The following AK9 variants were observed in gnomAD, a reference collection of about 807,000 sequenced individuals.
AK9 encodes adenylate kinase 9.
Under a neutral mutation model 239.6 loss-of-function variants are expected in AK9, and 191 were observed. The observed-to-expected ratio is 0.80, with a 90% confidence interval of 0.71 to 0.90. The LOEUF is 0.90. Among genes scored for constraint, AK9 ranks in the 40% least tolerant of loss-of-function variants. The pLI is 0.00. For missense variants in AK9, 1,995 were observed against 2,214.7 expected (o/e 0.90, Z 1.99); for synonymous variants, 689 against 721.0 (o/e 0.96, Z 0.71).
intron 12 of AK9, among the ~76,000 whole-genome samples, chr6:109,626,733 T>G (rs1349187530): frequency 6.6e-6 from 1 of 152,186 alleles, no homozygotes; most frequent in African/African-American, 2.4e-5. Context: ...TATCTAAATA[T>G]AGAAAAGGTT....
Position 109,633,277 on chromosome 6 carries a change from C to G in AK9, c.980G>C (p.Arg327Thr), listed in dbSNP as rs1796332123. 2 of 1,608,656 alleles carry G rather than the reference C, an allele frequency of 1.2e-6. No homozygotes were observed. The highest frequency in any genetic ancestry group is 4.5e-5 in the East Asian group (2 of 44,776). The change falls in exon 11 of 41, where the codon AGA (arginine) becomes ACA (threonine). Residue 327 changes from arginine (R) to threonine (T), a missense_variant. By Grantham distance (71) the Arg-to-Thr change is moderately conservative (BLOSUM62 -1). Transcript: ENST00000424296. ...CCATTTACTTCTTTGCCATCTGTAT[C>G]TTGGTGCAATAAGTTTATAAGATGC... ...TLASYKLIAP[R>T]YRWQRSKWGR...
intron 32 of AK9, among the ~76,000 whole-genome samples, chr6:109,511,060 GT>G (rs200285676): frequency 0.3 from 36,630 of 123,076 alleles, 4,175 homozygotes; most frequent in South Asian, 0.43. Flanking sequence ...AAATCTGCTT[GT>G]TTTTTTTTTT....
rs1562592507 is a variant in AK9, at chr6:109,672,147, GTTC to G, written c.199_201del (p.Glu67del). 1 of 1,612,976 alleles carries G rather than the reference GTTC, an allele frequency of 6.2e-7. No homozygotes were observed. The highest frequency in any genetic ancestry group is 1.1e-5 in the South Asian group (1 of 90,990). On this transcript the variant is annotated inframe_deletion, in exon 4 of 41. Coordinates refer to ENST00000424296, the MANE Select transcript of AK9 (RefSeq NM_001145128.3). ...CCTGATTCGGTTTCAGCAGCAATCT[GTTC>G]TTCTAAAATTGGCAAAGCTAAAACA...
chr6:109,603,944 G>T (rs1258210032), intron 17 of AK9, among the ~76,000 whole-genome samples: 1 of 152,192 alleles, frequency 6.6e-6, no homozygotes, highest in East Asian at 1.9e-4. Context: ...GGGTTGGAGT[G>T]ACCCGATTTT....
intron 5 of AK9, among the ~76,000 whole-genome samples, chr6:109,668,933 A>G (rs1476183648): frequency 6.4e-5 from 2 of 31,466 alleles, no homozygotes; most frequent in Non-Finnish European, 7.1e-5. Flanking sequence ...AATTCTGTGA[A>G]AAGTCATTGG....
At chr6:109,551,470 G>T (rs894510833) in intron 24 of AK9, among the ~76,000 whole-genome samples, 1 of 147,126 alleles carries the variant, frequency 6.8e-6, no homozygotes. Flanking sequence ...AGTGAGCCGA[G>T]ATGGCACACT....
intron 17 of AK9, among the ~76,000 whole-genome samples, chr6:109,593,733 C>T (rs1013891832): frequency 6.6e-6 from 1 of 152,096 alleles, no homozygotes; most frequent in Admixed American, 6.6e-5. Flanking sequence ...TAAACGTAAT[C>T]CATCACATAA....
chr6:109,525,838 G>A (rs555119183), intron 29 of AK9, among the ~76,000 whole-genome samples: 274 of 152,248 alleles, frequency 1.8e-3, no homozygotes, highest in Non-Finnish European at 2.8e-3. Context: ...AAAGTCACAT[G>A]CACACATGCA....
chr6:109,546,119 T>A lies in AK9; in HGVS notation c.2973A>T (p.Pro991=). 9.0e-7 allele frequency: 1 copy of A among 1,107,162 alleles called. No homozygotes were observed. The highest frequency in any genetic ancestry group is 1.2e-6 in the Non-Finnish European group (1 of 811,010). The allele number at this position is 1,107,162 out of a possible 1,614,324, so 68.6% of individuals were successfully genotyped here. A position where few individuals can be genotyped will look rare whatever the true frequency, so the allele number is the denominator to read the frequency against. ...VAHEEPLKAP[P]LRICLVGPQG... Reference sequence around the variant, plus strand: ...GGGGGCCGACAAGGCATATTCTTAATGGAGGAGCCTGTCACAGGGGGTGGG... The same window carrying A: ...GGGGGCCGACAAGGCATATTCTTAAAGGAGGAGCCTGTCACAGGGGGTGGG... Residue 991 remains proline, a synonymous_variant, in exon 26 of 41, where the codon CCA becomes CCT. Transcript: ENST00000424296.
chr6:109,632,567 A>T, intron 12 of AK9: 2 of 267,116 alleles, frequency 7.5e-6, no homozygotes, highest in Non-Finnish European at 1.2e-5. Context: ...GACAGGAGTG[A>T]TTATATGGGG....
chr6:109,524,464 A>C (rs76030793), intron 29 of AK9, among the ~76,000 whole-genome samples: 2,236 of 152,296 alleles, frequency 0.015, 58 homozygotes, highest in African/African-American at 0.051. Flanking sequence ...CAGATTAAAG[A>C]AGCTTAGTGA....
chr6:109,589,886 G>A (rs765700916), intron 17 of AK9, among the ~76,000 whole-genome samples: 1 of 152,032 alleles, frequency 6.6e-6, no homozygotes, highest in Non-Finnish European at 1.5e-5. Context: ...TGTGTATGCT[G>A]AACCAACCTT....
Position 109,644,604 on chromosome 6 carries a change from C to A in AK9, c.834+10G>T, listed in dbSNP as rs1201947967. The A allele has an allele frequency of 8.1e-6, 13 of 1,604,944 alleles. No homozygotes were observed. Among genetic ancestry groups the A allele is most frequent in the Non-Finnish European group, 1.1e-5 (13 of 1,176,030 alleles). On this transcript the variant is annotated intron_variant, in intron 9 of 40. Coordinates refer to ENST00000424296, the MANE Select transcript of AK9 (RefSeq NM_001145128.3). ...TGCTGTGAAGTATTCCTGCTTAACACTGCACTCACCATAAAGAGCTCCTCT... is the reference window on the plus strand; with the variant it reads ...TGCTGTGAAGTATTCCTGCTTAACAATGCACTCACCATAAAGAGCTCCTCT...
intron 15 of AK9, among the ~76,000 whole-genome samples, chr6:109,613,854 G>C (rs1322254066): frequency 6.6e-6 from 1 of 151,964 alleles, no homozygotes; most frequent in East Asian, 1.9e-4. Flanking sequence ...GTGGCCTTAA[G>C]ATGCTCTGAT....
intron 17 of AK9, among the ~76,000 whole-genome samples, chr6:109,605,102 T>C (rs1792660797): frequency 6.6e-6 from 1 of 152,214 alleles, no homozygotes; most frequent in African/African-American, 2.4e-5. Context: ...GTTATTATGT[T>C]TCAAGGCATT....
intron 17 of AK9, among the ~76,000 whole-genome samples, chr6:109,605,084 T>C (rs1792657756): frequency 1.3e-5 from 2 of 152,206 alleles, no homozygotes; most frequent in Non-Finnish European, 2.9e-5. Context: ...ATTCTAATAA[T>C]TATTCCTGTT....
chr6:109,662,736 T>C (rs1583482532), intron 5 of AK9, 73 bp from the exon 6 acceptor site: 1 of 639,474 alleles, frequency 1.6e-6, no homozygotes, highest in Non-Finnish European at 2.1e-6. Flanking sequence ...TATTATATTA[T>C]ATATATATTT....
intron 27 of AK9, among the ~76,000 whole-genome samples, chr6:109,536,241 A>G (rs1181610057): frequency 1.3e-5 from 2 of 152,218 alleles, no homozygotes; most frequent in Admixed American, 6.5e-5. Context: ...ATCCATGAGC[A>G]TGGAATGTTC....
At chr6:109,571,497 C>T (rs940660548) in intron 21 of AK9, among the ~76,000 whole-genome samples, 5 of 152,122 alleles carry the variant, frequency 3.3e-5, no homozygotes, top group Non-Finnish European at 5.9e-5. Flanking sequence ...AAACAAAACA[C>T]CATTCTTAAA....
Sources: allele counts gnomAD v4.1 joint callset (sites outside exome capture counted in the v4.1 genomes callset), GRCh38; gene constraint gnomAD v4.1.1; transcripts MANE v1.5; gene names NCBI Gene and HGNC (gene_info 2026-07-23, HGNC 2026-07-21).